Variants in PLS3 observed in about 807,000 individuals in gnomAD.
PLS3 encodes the protein plastin 3.
A neutral mutation model predicts 46.5 loss-of-function variants in PLS3; 11 were observed. That is an observed-to-expected ratio of 0.24 (90% CI 0.15 to 0.39). The LOEUF is 0.39. PLS3 is among the 10% of genes least tolerant of loss of function. The pLI, the probability that PLS3 is intolerant of heterozygous loss-of-function variation, is 1.00. For missense variants in PLS3, 308 were observed against 461.8 expected (o/e 0.67, Z 3.05); for synonymous variants, 167 against 162.2 (o/e 1.03, Z -0.22).
rs1261501516 is a variant in PLS3, at chrX:115,633,996, T to A, written c.501-4T>A. 6 of 1,057,189 alleles carry A rather than the reference T, an allele frequency of 5.7e-6. No individual in the cohort carries two copies. Among genetic ancestry groups the A allele is most frequent in the Non-Finnish European group, 7.8e-6 (6 of 766,716 alleles). The allele number at this position is 1,057,189 out of a possible 1,213,427, so 87.1% of individuals were successfully genotyped here. A position where few individuals can be genotyped will look rare whatever the true frequency, so the allele number is the denominator to read the frequency against. The stretch of plus-strand genomic sequence containing the variant: ...ATCAGCCTTTTTTTAAATTTTTGTT[T>A]CAGTAAAATGATTAACCTTTCAGTT... On this transcript the variant is annotated splice_region_variant and splice_polypyrimidine_tract_variant and intron_variant, in intron 5 of 15. Transcript: ENST00000355899.
chrX:115,638,685 TTTTA>T (rs2074862662), intron 8 of PLS3, among the ~76,000 whole-genome samples: 1 of 107,439 alleles, frequency 9.3e-6, no homozygotes, highest in Non-Finnish European at 1.9e-5. Context: ...CTTTGAATTT[TTTTA>T]TTTTTTATTT....
At chrX:115,590,745 G>A (rs782812007) in intron 1 of PLS3, among the ~76,000 whole-genome samples, 2 of 111,653 alleles carry the variant, frequency 1.8e-5, no homozygotes, top group African/African-American at 3.2e-5. Flanking sequence ...GCTGGAACCC[G>A]GGAGGCGGAG....
chrX:115,597,700 A>G lies in PLS3; in HGVS notation c.-8-12543A>G, dbSNP rs782637249. ...TCTTATTTTATTTTCATTGTATTCTATGTGAATTGTAGAAGCACAGTTGCT... is the reference window on the plus strand; with the variant it reads ...TCTTATTTTATTTTCATTGTATTCTGTGTGAATTGTAGAAGCACAGTTGCT... On this transcript the variant is annotated intron_variant, in intron 1 of 15. Transcript: ENST00000355899. Among the ~76,000 whole-genome samples, 16 of 111,846 alleles carry G rather than the reference A, an allele frequency of 1.4e-4. No homozygotes were observed. The East Asian group carries it at 4.5e-3, about 31-fold the overall frequency.
At chrX:115,648,340 G>C (rs1312240773) in intron 15 of PLS3, among the ~76,000 whole-genome samples, 1 of 111,370 alleles carries the variant, frequency 9.0e-6, no homozygotes, top group Non-Finnish European at 1.9e-5. Flanking sequence ...TAAGAGCTTA[G>C]GGTGTTCATC....
chrX:115,580,684 C>G (rs1263078699), intron 1 of PLS3, among the ~76,000 whole-genome samples: 1 of 111,714 alleles, frequency 9.0e-6, no homozygotes, highest in African/African-American at 3.3e-5. Flanking sequence ...TCTATAACTA[C>G]AAAAACTGTT....
chrX:115,566,910 C>T (rs781949078), intron 1 of PLS3, among the ~76,000 whole-genome samples: 1 of 110,923 alleles, frequency 9.0e-6, no homozygotes, highest in Non-Finnish European at 1.9e-5. Context: ...AATTCCTGAC[C>T]TTGTGATCCG....
At chrX:115,602,815 G>A (rs781825789) in intron 1 of PLS3, among the ~76,000 whole-genome samples, 1 of 109,689 alleles carries the variant, frequency 9.1e-6, no homozygotes, top group Non-Finnish European at 1.9e-5. Flanking sequence ...TGGCTGGGAT[G>A]AAGCCTGTGG....
intron 9 of PLS3, among the ~76,000 whole-genome samples, chrX:115,641,223 T>G (rs1328700475): frequency 1.0e-5 from 1 of 99,460 alleles, no homozygotes; most frequent in Non-Finnish European, 2.0e-5. Flanking sequence ...TTTCTTCTCT[T>G]TCTTTTTTTT....
intron 1 of PLS3, among the ~76,000 whole-genome samples, chrX:115,600,138 T>A (rs2074428762): frequency 9.1e-6 from 1 of 110,434 alleles, no homozygotes; most frequent in Admixed American, 9.7e-5. Context: ...TTGCAGTTGG[T>A]TGGAGTATTT....
intron 6 of PLS3, 50 bp from the exon 7 acceptor site, chrX:115,634,831 T>C (rs2074813835): frequency 8.9e-7 from 1 of 1,123,618 alleles, no homozygotes; most frequent in Non-Finnish European, 1.2e-6. Flanking sequence ...AGTAGACTGC[T>C]AAAAAATGGA....
intron 2 of PLS3, among the ~76,000 whole-genome samples, chrX:115,612,836 T>A (rs909679939): frequency 4.5e-5 from 5 of 112,087 alleles, no homozygotes; most frequent in Admixed American, 3.8e-4. Context: ...TCCAAGCTCA[T>A]GTAATTATTT....
Position 115,640,457 on chromosome X carries a change from A to T in PLS3, c.941A>T (p.Gln314Leu). 1 of 1,193,858 alleles carries T rather than the reference A, an allele frequency of 8.4e-7. No individual in the cohort carries two copies. The highest frequency in any genetic ancestry group is 1.7e-5 in the African/African-American group (1 of 57,550). Reference protein sequence around the residue: ...HLLNQIAPKGQKEGEPRIDIN... With the variant: ...HLLNQIAPKGLKEGEPRIDIN... ...CTCAATCAAATCGCACCAAAAGGAC[A>T]AAAGGAAGGTGAACCACGGATAGAT... Residue 314 changes from glutamine to leucine, a missense_variant, in exon 9 of 16, where the codon CAA (glutamine) becomes CTA (leucine). Coordinates refer to ENST00000355899, the MANE Select transcript of PLS3 (RefSeq NM_005032.7).
chrX:115,596,325 G>C lies in PLS3; in HGVS notation c.-8-13918G>C, dbSNP rs782508733. 7.2e-5 allele frequency among the ~76,000 whole-genome samples: 8 copies of C among 111,852 alleles called. 1 individual carries two copies. In the Middle Eastern group the frequency reaches 0.014, roughly 193 times the overall value. On this transcript the variant is annotated intron_variant, in intron 1 of 15. Transcript: ENST00000355899. ...CGCACTTTCCCTACTCACCTCCATC[G>C]AAGTTTATTTATTGAACAAACATTC... is the stretch of plus-strand genomic sequence containing the variant.
At chrX:115,615,850 A>G (rs781802815) in intron 2 of PLS3, among the ~76,000 whole-genome samples, 2 of 111,817 alleles carry the variant, frequency 1.8e-5, no homozygotes, top group African/African-American at 3.2e-5. Flanking sequence ...CAATATAGGC[A>G]GTATGGTAAT....
At chrX:115,606,279 A>G (rs2074493497) in intron 1 of PLS3, among the ~76,000 whole-genome samples, 1 of 98,394 alleles carries the variant, frequency 1.0e-5, no homozygotes, top group Non-Finnish European at 2.0e-5. Context: ...CTGGGATTAC[A>G]GGCACGCACC....
At chrX:115,638,765 T>C (rs1240789375) in intron 8 of PLS3, among the ~76,000 whole-genome samples, 4 of 109,447 alleles carry the variant, frequency 3.7e-5, no homozygotes, top group Middle Eastern at 9.2e-3. Flanking sequence ...CAGGCTGGAG[T>C]GCAGTGGCGC....
intron 1 of PLS3, among the ~76,000 whole-genome samples, chrX:115,575,985 T>C (rs899772097): frequency 1.2e-4 from 13 of 111,837 alleles, no homozygotes; most frequent in African/African-American, 4.2e-4. Flanking sequence ...CAAAAGTACA[T>C]GATAAATGCT....
At chrX:115,588,719 C>T (rs2074326009) in intron 1 of PLS3, among the ~76,000 whole-genome samples, 1 of 110,415 alleles carries the variant, frequency 9.1e-6, no homozygotes, top group Non-Finnish European at 1.9e-5. Context: ...TGCCCCACCC[C>T]TCCACTTTTC....
intron 1 of PLS3, among the ~76,000 whole-genome samples, chrX:115,563,879 A>G (rs1192855401): frequency 8.9e-6 from 1 of 112,299 alleles, no homozygotes; most frequent in Non-Finnish European, 1.9e-5. Context: ...GTGAGGTGAT[A>G]ATATAATTTT....
Sources: gnomAD v4.1 joint callset for allele counts (sites outside exome capture counted in the v4.1 genomes callset) on GRCh38, gnomAD v4.1.1 for gene constraint, MANE v1.5 for transcripts, NCBI Gene and HGNC (gene_info 2026-07-23, HGNC 2026-07-21) for gene names.